Variants in SELENOF observed in about 807,000 individuals in gnomAD.
The protein encoded by SELENOF is 15 kDa selenoprotein.
SELENOF carries 16 observed loss-of-function variants against 20.5 expected under a neutral mutation model. The observed-to-expected ratio is 0.78, with a 90% CI of 0.53 to 1.19. SELENOF has a LOEUF of 1.19. Ranked by LOEUF, SELENOF falls within the 50% of genes most tolerant of loss-of-function variation. SELENOF has a pLI of 0.00. For synonymous variants in SELENOF, 78 were observed against 74.5 expected, an observed-to-expected ratio of 1.05 and a Z score of -0.24; for missense variants, 215 against 194.2, an observed-to-expected ratio of 1.11 and a Z score of -0.64.
chr1:86,913,918 G>C, intron 1 of SELENOF, 110 bp downstream of exon 1: 3 of 1,007,278 alleles, frequency 3.0e-6, no homozygotes, highest in South Asian at 1.3e-5. Flanking sequence ...CAGTCATTAA[G>C]GAAGCGCAGT....
At chr1:86,903,470 T>A in intron 1 of SELENOF, 22 bp from the exon 2 acceptor site, 2 of 1,561,522 alleles carry the variant, frequency 1.3e-6, no homozygotes, top group South Asian at 1.2e-5. Context: ...AAATGGGAAA[T>A]AAAACACAAT....
chr1:86,881,104 T>G (rs1659055727), intron 2 of SELENOF, among the ~76,000 whole-genome samples: 1 of 152,192 alleles, frequency 6.6e-6, no homozygotes, highest in Admixed American at 6.5e-5. Flanking sequence ...ATATCATCTA[T>G]CCAAGATAGT....
chr1:86,901,554 G>A (rs1659707036), intron 2 of SELENOF, among the ~76,000 whole-genome samples: 1 of 152,164 alleles, frequency 6.6e-6, no homozygotes, highest in Non-Finnish European at 1.5e-5. Flanking sequence ...GATGCATTAA[G>A]ACAGGTTTAC....
intron 1 of SELENOF, 163 bp downstream of exon 1, chr1:86,913,865 A>C (rs1660057656): frequency 3.1e-6 from 2 of 647,286 alleles, no homozygotes; most frequent in African/African-American, 3.7e-5. Flanking sequence ...GGGAAGGAGA[A>C]GGATCAACCG....
At chr1:86,880,825 G>A in intron 2 of SELENOF, 100 bp from the exon 3 acceptor site, 4 of 698,418 alleles carry the variant, frequency 5.7e-6, no homozygotes, top group Non-Finnish European at 8.9e-6. Context: ...ACAGTTAGCA[G>A]ATATATAGAT....
intron 2 of SELENOF, among the ~76,000 whole-genome samples, chr1:86,893,614 CATAAATAA>C (rs146967782): frequency 6.6e-6 from 1 of 151,788 alleles, no homozygotes; most frequent in South Asian, 2.1e-4. Flanking sequence ...AAGACTGTCT[CATAAATAA>C]ATAAATAAAT....
chr1:86,891,290 C>A (rs1194235093), intron 2 of SELENOF, among the ~76,000 whole-genome samples: 2 of 152,006 alleles, frequency 1.3e-5, no homozygotes, highest in Non-Finnish European at 2.9e-5. Context: ...CTCAGGTGAT[C>A]TGCCTACCTC....
At chr1:86,912,465 T>C (rs1038779386) in intron 1 of SELENOF, among the ~76,000 whole-genome samples, 6 of 152,262 alleles carry the variant, frequency 3.9e-5, no homozygotes, top group Non-Finnish European at 7.4e-5. Flanking sequence ...ATTCCTCCCA[T>C]GTAGAGATGA....
chr1:86,896,730 A>T (rs1309106239), intron 2 of SELENOF, among the ~76,000 whole-genome samples: 1 of 152,232 alleles, frequency 6.6e-6, no homozygotes, highest in Non-Finnish European at 1.5e-5. Context: ...CTATATTTGT[A>T]GTTAGATAAT....
chr1:86,865,243 A>C (rs906945460), intron 4 of SELENOF, among the ~76,000 whole-genome samples: 2 of 151,960 alleles, frequency 1.3e-5, no homozygotes, highest in African/African-American at 4.8e-5. Context: ...CAAACAAAAA[A>C]CCTCAATTTA....
rs190195209 is a variant in SELENOF, at chr1:86,911,908, C to T, written c.84+2120G>A. On this transcript the variant is annotated intron_variant, in intron 1 of 4. Coordinates refer to ENST00000331835, the MANE Select transcript of SELENOF (RefSeq NM_004261.5). ...AAGTGATTCTCCTGCCTCAGCCTCCCGAGTAGGCATGCGCCACCACGCCCA... is the reference window on the plus strand; with the variant it reads ...AAGTGATTCTCCTGCCTCAGCCTCCTGAGTAGGCATGCGCCACCACGCCCA... Among the ~76,000 whole-genome samples the T allele has an allele frequency of 2.8e-3, 419 of 151,988 alleles. 2 individuals are homozygous for T. Among genetic ancestry groups the T allele is most frequent in the Non-Finnish European group, 2.4e-3 (163 of 67,968 alleles).
chr1:86,889,595 AAAAC>A (rs1049473381), intron 2 of SELENOF, among the ~76,000 whole-genome samples: 5 of 152,148 alleles, frequency 3.3e-5, no homozygotes, highest in East Asian at 1.9e-4. Flanking sequence ...CTCCATCTCA[AAAAC>A]AAACAAACAA....
chr1:86,900,296 C>A (rs1232449260), intron 2 of SELENOF, among the ~76,000 whole-genome samples: 2 of 152,060 alleles, frequency 1.3e-5, no homozygotes, highest in African/African-American at 2.4e-5. Context: ...AGCCTGGGCA[C>A]CATTGAGCAC....
chr1:86,895,833 C>T (rs1346167620), intron 2 of SELENOF, among the ~76,000 whole-genome samples: 3 of 152,074 alleles, frequency 2.0e-5, no homozygotes, highest in Non-Finnish European at 4.4e-5. Context: ...ACTAAAAATG[C>T]TAAAACCAAT....
chr1:86,874,527 C>G (rs1364132714), intron 3 of SELENOF, among the ~76,000 whole-genome samples: 2 of 151,610 alleles, frequency 1.3e-5, no homozygotes, highest in Non-Finnish European at 2.9e-5. Context: ...TTAGAGCTAA[C>G]TTTAAGGAGT....
Position 86,906,453 on chromosome 1 carries a change from C to T in SELENOF, c.85-3005G>A, listed in dbSNP as rs372274779. Among the ~76,000 whole-genome samples the T allele has an allele frequency of 5.3e-5, 8 of 152,304 alleles. No homozygotes were observed. In the East Asian group the frequency reaches 1.3e-3, roughly 26 times the overall value. Reference sequence around the variant, plus strand: ...CTGAGAAGTGGGGTCTATGTTCCCTCCCCTTGAATCTGGGCACGGGCCATG... The same window carrying T: ...CTGAGAAGTGGGGTCTATGTTCCCTTCCCTTGAATCTGGGCACGGGCCATG... On this transcript the variant is annotated intron_variant, in intron 1 of 4. Coordinates refer to ENST00000331835, the MANE Select transcript of SELENOF (RefSeq NM_004261.5).
chr1:86,879,465 C>T (rs1382257732), intron 3 of SELENOF, among the ~76,000 whole-genome samples: 1 of 152,168 alleles, frequency 6.6e-6, no homozygotes, highest in Non-Finnish European at 1.5e-5. Context: ...TACTATATTA[C>T]ATTTCTGTGC....
intron 2 of SELENOF, among the ~76,000 whole-genome samples, chr1:86,892,670 G>A (rs1331209559): frequency 6.6e-6 from 1 of 152,052 alleles, no homozygotes; most frequent in Non-Finnish European, 1.5e-5. Flanking sequence ...ACAACTAAAT[G>A]TTTTGATGCT....
At chr1:86,901,792 C>G (rs1337746013) in intron 2 of SELENOF, among the ~76,000 whole-genome samples, 1 of 152,138 alleles carries the variant, frequency 6.6e-6, no homozygotes, top group Non-Finnish European at 1.5e-5. Context: ...TGAAGAACTA[C>G]TAAGAAAAGG....
Sources: allele counts gnomAD v4.1 joint callset (sites outside exome capture counted in the v4.1 genomes callset), GRCh38; gene constraint gnomAD v4.1.1; transcripts MANE v1.5; gene names NCBI Gene and HGNC (gene_info 2026-07-23, HGNC 2026-07-21).